The following TRAPPC10 variants were observed in gnomAD, a reference collection of about 807,000 sequenced individuals.
TRAPPC10 encodes TRAPP 130 kDa subunit.
A neutral mutation model predicts 125.5 loss-of-function variants in TRAPPC10; 23 were observed. That is an observed-to-expected ratio of 0.18 (90% confidence interval 0.13 to 0.26). The LOEUF is 0.26. TRAPPC10 is among the 10% of genes least tolerant of loss of function. The pLI, the probability that TRAPPC10 is intolerant of heterozygous loss-of-function variation, is 1.00. For missense variants in TRAPPC10, 1,123 were observed against 1,308.4 expected (o/e 0.86, Z 2.19); for synonymous variants, 509 against 518.0 (o/e 0.98, Z 0.24).
At chr21:44,040,030 C>T (rs1464480898) in intron 3 of TRAPPC10, among the ~76,000 whole-genome samples, 3 of 152,190 alleles carry the variant, frequency 2.0e-5, no homozygotes, top group African/African-American at 4.8e-5. Context: ...GGTACACCTG[C>T]GCCACAACTA....
At chr21:44,045,854 C>T (rs971922822) in intron 3 of TRAPPC10, among the ~76,000 whole-genome samples, 2 of 152,206 alleles carry the variant, frequency 1.3e-5, no homozygotes, top group African/African-American at 2.4e-5. Flanking sequence ...CCGCACCGGG[C>T]CAAGATTTTT....
intron 3 of TRAPPC10, among the ~76,000 whole-genome samples, chr21:44,049,546 G>A (rs2035092940): frequency 6.6e-6 from 1 of 152,186 alleles, no homozygotes; most frequent in Non-Finnish European, 1.5e-5. Context: ...CCTGTCTGGG[G>A]GATGCCCTTT....
intron 1 of TRAPPC10, among the ~76,000 whole-genome samples, chr21:44,022,450 ATTTTTT>A (rs71197876): frequency 0.095 from 9,242 of 96,924 alleles, 424 homozygotes; most frequent in Middle Eastern, 0.13. Flanking sequence ...TGCCCAGCTA[ATTTTTT>A]TTTTTTTTTT....
intron 3 of TRAPPC10, among the ~76,000 whole-genome samples, 185 bp downstream of exon 3, chr21:44,038,112 G>T (rs1271264522): frequency 6.6e-6 from 1 of 152,152 alleles, no homozygotes; most frequent in Admixed American, 6.5e-5. Context: ...GAAAGGTGTG[G>T]GTCTAGGCTT....
rs961720715 is a variant in TRAPPC10 at position 44,063,107 on chromosome 21, G to A, written c.791-431G>A. The stretch of plus-strand genomic sequence containing the variant: ...AGTTAGGGAAATAAGGAAGGAATAT[G>A]TAATCTAAGGAAGACCAAAAAACAC... On this transcript the variant is annotated intron_variant, in intron 6 of 22. Transcript: ENST00000291574. The surrounding 1 kb of genome is among the most constrained non-coding windows in gnomAD (Gnocchi z 4.4). The A allele has an allele frequency of 6.1e-6, 8 of 1,304,802 alleles. No homozygotes were observed. In the Admixed American group the frequency reaches 1.1e-4, roughly 19 times the overall value. The allele number at this position is 1,304,802 out of a possible 1,614,324, so 80.8% of individuals were successfully genotyped here.
chr21:44,024,948 C>G (rs2276530), intron 1 of TRAPPC10, among the ~76,000 whole-genome samples: 53,932 of 152,096 alleles, frequency 0.35, 13,573 homozygotes, highest in African/African-American at 0.72. Flanking sequence ...GCTGCACACA[C>G]TGTCCCACCT....
intron 17 of TRAPPC10, chr21:44,088,964 G>A (rs2038367630): frequency 6.3e-6 from 1 of 159,708 alleles, no homozygotes. Context: ...CCTGTGCTGT[G>A]TGCCGTGTTA....
At chr21:44,046,115 A>G (rs189719731) in intron 3 of TRAPPC10, among the ~76,000 whole-genome samples, 2 of 152,320 alleles carry the variant, frequency 1.3e-5, no homozygotes, top group African/African-American at 2.4e-5. Context: ...GTCAAAACCC[A>G]CTGCTTCAGA....
Position 44,075,096 on chromosome 21 carries a change from G to C in TRAPPC10, c.1243G>C (p.Asp415His). Residue 415 changes from aspartate (D) to histidine (H), a missense_variant, in exon 9 of 23, where the codon GAT becomes CAT. By Grantham distance (81) the Asp-to-His change is moderately conservative. Transcript: ENST00000291574. Reference sequence around the variant, plus strand: ...GTCAGAGAAAGGACCTAACTCAGAAGATCTCAACAGGACAGTTGACCTTTT... The same window carrying C: ...GTCAGAGAAAGGACCTAACTCAGAACATCTCAACAGGACAGTTGACCTTTT... Reference protein sequence around the residue: ...LVSEKGPNSEDLNRTVDLLAG... With the variant: ...LVSEKGPNSEHLNRTVDLLAG... 1 of 1,614,202 alleles carries C rather than the reference G, an allele frequency of 6.2e-7. No homozygotes were observed. The highest frequency in any genetic ancestry group is 1.1e-5 in the South Asian group (1 of 91,088).
intron 15 of TRAPPC10, among the ~76,000 whole-genome samples, chr21:44,084,481 T>C (rs1601802640): frequency 6.6e-6 from 1 of 152,218 alleles, no homozygotes; most frequent in Non-Finnish European, 1.5e-5. Flanking sequence ...TTAATAAACA[T>C]GGTGTATCTG....
chr21:44,061,092 C>T (rs1423737150), intron 6 of TRAPPC10, among the ~76,000 whole-genome samples: 1 of 152,050 alleles, frequency 6.6e-6, no homozygotes, highest in African/African-American at 2.4e-5. Flanking sequence ...TGCGCACCAC[C>T]ACGCCCAGCT....
rs758311136 is a variant in TRAPPC10, at chr21:44,094,200, G to T, written c.3135G>T (p.Pro1045=). The T allele has an allele frequency of 5.0e-6, 8 of 1,612,448 alleles. No individual in the cohort carries two copies. In the Admixed American group the frequency reaches 5.0e-5, roughly 10 times the overall value. Residue 1045 remains proline (P), a synonymous_variant, in exon 20 of 23, where the codon CCG becomes CCT. Coordinates refer to ENST00000291574, the MANE Select transcript of TRAPPC10 (RefSeq NM_003274.5). ...AACAGCTGTCTATCTCCTTAAAGCC[G>T]TATACTTATGAATTTAAAGTGGAAA... ...SEEQLSISLK[P]YTYEFKVENF... is the part of the protein sequence containing the mutation.
rs1185968846 is a variant in TRAPPC10 at position 44,074,373 on chromosome 21, T to C, written c.1088T>C (p.Leu363Pro). The C allele has an allele frequency of 6.2e-7, 1 of 1,614,206 alleles. No homozygotes were observed. Among genetic ancestry groups the C allele is most frequent in the Non-Finnish European group, 8.5e-7 (1 of 1,180,034 alleles). ...ALDCWVFLSCLEVLQRIEGCC... is the reference protein window; with the variant it reads ...ALDCWVFLSCPEVLQRIEGCC... ...GACTGCTGGGTGTTTCTGAGCTGTC[T>C]GGAGGTGTTGCAGAGGATAGAAGGC... Residue 363 changes from leucine (L) to proline (P), a missense_variant, in exon 8 of 23, where the codon CTG (leucine) becomes CCG (proline). This residue lies in a region of TRAPPC10 where 840 missense variants were observed against 902.0 expected (regional missense o/e 0.93). Transcript: ENST00000291574.
intron 19 of TRAPPC10, 63 bp from the exon 20 acceptor site, chr21:44,094,000 G>A: frequency 6.5e-7 from 1 of 1,531,274 alleles, no homozygotes; most frequent in South Asian, 1.2e-5. Context: ...TTTCGCTGCA[G>A]TGTCTGTGTC....
At chr21:44,094,018 C>G in intron 19 of TRAPPC10, 45 bp from the exon 20 acceptor site, 1 of 1,577,906 alleles carries the variant, frequency 6.3e-7, no homozygotes, top group Non-Finnish European at 8.6e-7. Context: ...GTCCTCTTTG[C>G]GGTTATGGTG....
At chr21:44,054,011 G>A (rs529417583) in intron 4 of TRAPPC10, among the ~76,000 whole-genome samples, 2 of 152,294 alleles carry the variant, frequency 1.3e-5, no homozygotes, top group Middle Eastern at 6.8e-3. Flanking sequence ...TACTGTTTTG[G>A]TGGTTGGCAC....
At chr21:44,026,986 GAC>G (rs1414529095) in intron 1 of TRAPPC10, among the ~76,000 whole-genome samples, 1 of 152,194 alleles carries the variant, frequency 6.6e-6, no homozygotes, top group African/African-American at 2.4e-5. Flanking sequence ...TTGAAAATAA[GAC>G]AGCCCATTAG....
chr21:44,015,888 A>G (rs963476756), intron 1 of TRAPPC10, among the ~76,000 whole-genome samples: 1 of 152,240 alleles, frequency 6.6e-6, no homozygotes, highest in African/African-American at 2.4e-5. Context: ...TGCTGGGATT[A>G]CAGGCGTGAG....
At chr21:44,017,806 G>T (rs915918332) in intron 1 of TRAPPC10, among the ~76,000 whole-genome samples, 1 of 151,694 alleles carries the variant, frequency 6.6e-6, no homozygotes, top group East Asian at 1.9e-4. Flanking sequence ...GTTTTGCGAC[G>T]ATAATGATGT....
Sources: gnomAD v4.1 joint callset for allele counts (sites outside exome capture counted in the v4.1 genomes callset) on GRCh38, gnomAD v4.1.1 for gene constraint, gnomAD v4.1.1 regional missense constraint, Gnocchi (gnomAD v3.1) non-coding constraint, MANE v1.5 for transcripts, NCBI Gene and HGNC (gene_info 2026-07-23, HGNC 2026-07-21) for gene names.